The following NFIC variants were observed in gnomAD, a reference collection of about 807,000 sequenced individuals.
NFIC encodes nuclear factor 1 C-type.
In NFIC, 12 loss-of-function variants were observed where a neutral mutation model predicts 54.4. The ratio of observed to expected loss-of-function variants is 0.22; its 90% CI spans 0.14 to 0.36. The LOEUF is 0.36. Among genes scored for constraint, NFIC ranks in the 10% least tolerant of loss-of-function variants. The pLI is 1.00. For missense variants in NFIC, 575 were observed against 718.2 expected (o/e 0.80, Z 2.28); for synonymous variants, 322 against 319.2 (o/e 1.01, Z -0.09).
chr19:3,468,979 A>C lies in NFIC; in HGVS notation c.*6210A>C. The stretch of plus-strand genomic sequence containing the variant: ...CACCCCACCCCGCCCCTCACATCAT[A>C]CTCCAATCATAACCTTGTATATTAC... On this transcript the variant is annotated 3_prime_UTR_variant, in exon 11 of 11. Coordinates refer to ENST00000443272, the MANE Select transcript of NFIC (RefSeq NM_001245002.2). The C allele has an allele frequency of 1.4e-5, 2 of 146,502 alleles. No individual in the cohort carries two copies. The highest frequency in any genetic ancestry group is 5.1e-5 in the African/African-American group (2 of 39,256). The allele number at this position is 146,502 out of a possible 1,614,324, so 9.1% of individuals were successfully genotyped here. A position where few individuals can be genotyped will look rare whatever the true frequency, so the allele number is the denominator to read the frequency against.
intron 2 of NFIC, among the ~76,000 whole-genome samples, chr19:3,390,201 A>G (rs1315294103): frequency 2.0e-5 from 3 of 152,156 alleles, no homozygotes; most frequent in African/African-American, 7.2e-5. Context: ...CAGAGGGGTG[A>G]GGGGTTCCTG....
chr19:3,384,827 G>A (rs1463092698), intron 2 of NFIC, among the ~76,000 whole-genome samples: 1 of 152,116 alleles, frequency 6.6e-6, no homozygotes, highest in Non-Finnish European at 1.5e-5. Flanking sequence ...AGGTGGGCCG[G>A]GTGACTGCCT....
At chr19:3,443,792 G>A (rs2082328849) in intron 6 of NFIC, among the ~76,000 whole-genome samples, 1 of 152,190 alleles carries the variant, frequency 6.6e-6, no homozygotes, top group African/African-American at 2.4e-5. Flanking sequence ...ACACCGCTTA[G>A]CACCCTGCAG....
rs984434967 is a variant in NFIC at position 3,454,175 on chromosome 19, C to G, written c.1423+259C>G. 333 of 1,258,536 alleles carry G rather than the reference C, an allele frequency of 2.6e-4. 2 individuals are homozygous for G. The highest frequency in any genetic ancestry group is 5.4e-4 in the South Asian group (18 of 33,344). The allele number at this position is 1,258,536 out of a possible 1,614,324, so 78.0% of individuals were successfully genotyped here. A position where few individuals can be genotyped will look rare whatever the true frequency, so the allele number is the denominator to read the frequency against. ...CCCCTTCGCCGAGTCACCTGGGGGA[C>G]CCCGGTGCCCGCCGTGGGCCGTCAG... On this transcript the variant is annotated intron_variant, in intron 9 of 10. Coordinates refer to ENST00000443272, the MANE Select transcript of NFIC (RefSeq NM_001245002.2).
intron 2 of NFIC, among the ~76,000 whole-genome samples, chr19:3,407,778 G>A (rs1377884202): frequency 6.6e-6 from 1 of 152,138 alleles, no homozygotes; most frequent in South Asian, 2.1e-4. Context: ...CAGGGTGCTG[G>A]GGACTAGAAC....
chr19:3,468,581 G>A lies in NFIC; in HGVS notation c.*5812G>A, dbSNP rs1046283319. 2.0e-5 allele frequency: 3 copies of A among 151,898 alleles called. No individual in the cohort carries two copies. The highest frequency in any genetic ancestry group is 4.4e-5 in the Non-Finnish European group (3 of 67,964). The allele number at this position is 151,898 out of a possible 1,614,324, so 9.4% of individuals were successfully genotyped here. ...TGGGGCAGGGCATACAGTGGGGGGT[G>A]GGGGGGCAGCTGGGAGGAGGGAGGG... On this transcript the variant is annotated 3_prime_UTR_variant, in exon 11 of 11. Coordinates refer to ENST00000443272, the MANE Select transcript of NFIC (RefSeq NM_001245002.2).
Position 3,359,739 on chromosome 19 carries a change from G to A in NFIC, c.3+54G>A, listed in dbSNP as rs2080785586. On this transcript the variant is annotated intron_variant, in intron 1 of 9. Coordinates refer to the NFIC transcript ENST00000395111. ...GCCCGGGGACTTTTTGGGGTGGTGC[G>A]TGGGCTCCGGGCGAAAGTTGCAAGA... The A allele has an allele frequency of 3.6e-6, 5 of 1,386,078 alleles. No individual in the cohort carries two copies. In the South Asian group the frequency reaches 4.6e-5, roughly 13 times the overall value. The allele number at this position is 1,386,078 out of a possible 1,614,324, so 85.9% of individuals were successfully genotyped here.
At chr19:3,454,157 G>T in intron 9 of NFIC, 3 of 1,275,614 alleles carry the variant, frequency 2.4e-6, no homozygotes, top group Non-Finnish European at 3.0e-6. Flanking sequence ...TGTCCCCTTC[G>T]CCGAGTCACC....
chr19:3,388,020 G>A (rs965059911), intron 2 of NFIC, among the ~76,000 whole-genome samples: 4 of 152,110 alleles, frequency 2.6e-5, no homozygotes, highest in East Asian at 1.9e-4. Context: ...AGGCCCGCCC[G>A]TCCCAGCAGC....
chr19:3,379,570 T>G (rs1377910648), intron 1 of NFIC, among the ~76,000 whole-genome samples: 1 of 151,272 alleles, frequency 6.6e-6, no homozygotes, highest in African/African-American at 2.4e-5. Context: ...GGTGTCAAGC[T>G]CTTGACCTCA....
chr19:3,377,955 GT>G (rs2081136862), intron 1 of NFIC, among the ~76,000 whole-genome samples: 1 of 151,890 alleles, frequency 6.6e-6, no homozygotes, highest in African/African-American at 2.4e-5. Context: ...TAAAGATAGG[GT>G]TTTGCCTGCC....
At position 3,372,712 on chromosome 19, in the gene NFIC, T is replaced by TG. The variant is rs60871309; in HGVS notation, c.30+6053dup. 2.0e-3 allele frequency among the ~76,000 whole-genome samples: 256 copies of TG among 126,334 alleles called. 13 individuals carry two copies. Among genetic ancestry groups the TG allele is most frequent in the Non-Finnish European group, 1.8e-3 (111 of 61,014 alleles). The allele number at this position is 126,334 out of a possible 152,430, so 82.9% of individuals were successfully genotyped here. Reference sequence around the variant, plus strand: ...TTGCTCAAGGGGCCCAGGAGTGGGGTGGGGGGGTGCCAGGAGGCCCAGGGA... The same window carrying TG: ...TTGCTCAAGGGGCCCAGGAGTGGGGTGGGGGGGGTGCCAGGAGGCCCAGGGA... On this transcript the variant is annotated intron_variant, in intron 1 of 10. Transcript: ENST00000443272.
chr19:3,369,497 G>A lies in NFIC; in HGVS notation c.30+2831G>A, dbSNP rs534344969. ...AGCTGATCCGACCCGGATCCTTCTCGGGAGCCGAGGCTGGCGGGGGGTGGG... is the reference window on the plus strand; with the variant it reads ...AGCTGATCCGACCCGGATCCTTCTCAGGAGCCGAGGCTGGCGGGGGGTGGG... On this transcript the variant is annotated intron_variant, in intron 1 of 10. Coordinates refer to ENST00000443272, the MANE Select transcript of NFIC (RefSeq NM_001245002.2). The surrounding 1 kb of genome is among the most constrained non-coding windows in gnomAD (Gnocchi z 4.3). Among the ~76,000 whole-genome samples, 14 of 152,092 alleles carry A rather than the reference G, an allele frequency of 9.2e-5. No homozygotes were observed. The highest frequency in any genetic ancestry group is 1.9e-4 in the East Asian group (1 of 5,144).
At chr19:3,376,789 C>T (rs574124667) in intron 1 of NFIC, among the ~76,000 whole-genome samples, 1 of 152,074 alleles carries the variant, frequency 6.6e-6, no homozygotes, top group Admixed American at 6.6e-5. Flanking sequence ...AGTGCAATGG[C>T]GCGACCTTGG....
rs1488480514 is a variant in NFIC, at chr19:3,459,985, A to T, written c.1510-2767A>T. On this transcript the variant is annotated intron_variant, in intron 10 of 10. Coordinates refer to ENST00000443272, the MANE Select transcript of NFIC (RefSeq NM_001245002.2). This position sits in a 1 kb window ranked among gnomAD's most constrained non-coding sequence, Gnocchi z 4.2. ...GCCCTCCCCTCACAGTCCACCCTGGATGCTCCATCTGGGGTTGGAGTTTGC... is the reference window on the plus strand; with the variant it reads ...GCCCTCCCCTCACAGTCCACCCTGGTTGCTCCATCTGGGGTTGGAGTTTGC... Among the ~76,000 whole-genome samples the T allele has an allele frequency of 2.4e-4, 36 of 152,138 alleles. No individual in the cohort carries two copies. Among genetic ancestry groups the T allele is most frequent in the Admixed American group, 2.4e-3 (36 of 15,276 alleles).
At position 3,453,360 on chromosome 19, in the gene NFIC, G is replaced by A. The variant is rs1411763089; in HGVS notation, c.1270-403G>A. On this transcript the variant is annotated intron_variant, in intron 8 of 10. Transcript: ENST00000443272. The surrounding 1 kb of genome is among the most constrained non-coding windows in gnomAD (Gnocchi z 6.7). ...CCACAGGAAGCTTTGGATGTTCAGA[G>A]CTTTTCGGACTTTGGAACCACGGGC... Among the ~76,000 whole-genome samples, 1 of 152,230 alleles carries A rather than the reference G, an allele frequency of 6.6e-6. No homozygotes were observed. Among genetic ancestry groups the A allele is most frequent in the East Asian group, 1.9e-4 (1 of 5,204 alleles).
intron 1 of NFIC, among the ~76,000 whole-genome samples, chr19:3,367,818 G>T (rs1363272172): frequency 1.3e-5 from 2 of 152,182 alleles, no homozygotes; most frequent in African/African-American, 4.8e-5. Flanking sequence ...GCGAGGGCCA[G>T]GCCCGTCTTA....
In NFIC at chr19:3,375,216, C is replaced by T. The variant is rs1183782039; in HGVS notation, c.31-6496C>T. 6.6e-6 allele frequency among the ~76,000 whole-genome samples: 1 copy of T among 152,130 alleles called. No individual in the cohort carries two copies. The highest frequency in any genetic ancestry group is 1.5e-5 in the Non-Finnish European group (1 of 68,014). Reference sequence around the variant, plus strand: ...ATGCCTCCCCTGTCCCTTCCAGCAGCCTCTTATCACAGCCCCAGTAAGCGC... The same window carrying T: ...ATGCCTCCCCTGTCCCTTCCAGCAGTCTCTTATCACAGCCCCAGTAAGCGC... On this transcript the variant is annotated intron_variant, in intron 1 of 10. Transcript: ENST00000443272. The surrounding 1 kb of genome is among the most constrained non-coding windows in gnomAD (Gnocchi z 4.6).
At chr19:3,454,087 C>A in intron 9 of NFIC, 171 bp downstream of exon 9, 2 of 1,367,648 alleles carry the variant, frequency 1.5e-6, no homozygotes, top group Non-Finnish European at 1.9e-6. Flanking sequence ...CCATGTAGGG[C>A]TGAGGCAGCC....
Sources: allele counts gnomAD v4.1 joint callset (sites outside exome capture counted in the v4.1 genomes callset), GRCh38; gene constraint gnomAD v4.1.1; non-coding constraint Gnocchi (gnomAD v3.1); transcripts MANE v1.5; gene names NCBI Gene and HGNC (gene_info 2026-07-23, HGNC 2026-07-21).